STARD13: variants seen among roughly 807,000 people sequenced by gnomAD.
STARD13 encodes StAR related lipid transfer domain containing 13.
In STARD13, 62 loss-of-function variants were observed where a neutral mutation model predicts 106.4. That is an observed-to-expected ratio of 0.58 (90% CI 0.48 to 0.72). STARD13 has a LOEUF of 0.72. STARD13 is among the 30% of genes least tolerant of loss of function. The pLI is 0.00. For synonymous variants in STARD13, 565 were observed against 553.0 expected, an observed-to-expected ratio of 1.02 and a Z score of -0.31; for missense variants, 1,387 against 1,424.0, an observed-to-expected ratio of 0.97 and a Z score of 0.42.
At chr13:33,429,767 CA>C in the STARD13 span, among the ~76,000 whole-genome samples, 1 of 151,876 alleles carries the variant, frequency 6.6e-6, no homozygotes. Context: ...CGGAGGCTGG[CA>C]AGGGTAGCAG....
chr13:33,251,879 C>A (rs545003175), intron 1 of STARD13, among the ~76,000 whole-genome samples: 1 of 152,310 alleles, frequency 6.6e-6, no homozygotes, highest in Non-Finnish European at 1.5e-5. Flanking sequence ...AACACCTAAT[C>A]CTGAACACAA....
the STARD13 span, among the ~76,000 whole-genome samples, chr13:33,489,923 T>C: frequency 6.6e-6 from 1 of 152,118 alleles, no homozygotes; most frequent in East Asian, 1.9e-4. Flanking sequence ...ATTTTCAAAA[T>C]TGGAACATTG....
chr13:33,441,068 C>T, the STARD13 span, among the ~76,000 whole-genome samples: 1 of 152,008 alleles, frequency 6.6e-6, no homozygotes, highest in Non-Finnish European at 1.5e-5. Context: ...TCTATGTTCC[C>T]TCTGTCTTGG....
At chr13:33,667,952 A>G in the STARD13 span, among the ~76,000 whole-genome samples, 6 of 152,206 alleles carry the variant, frequency 3.9e-5, no homozygotes, top group Non-Finnish European at 8.8e-5. Flanking sequence ...TGGCCAATCA[A>G]ATGTAGCCAA....
chr13:33,133,857 CA>C (rs1290979782), intron 4 of STARD13, among the ~76,000 whole-genome samples: 1 of 152,036 alleles, frequency 6.6e-6, no homozygotes, highest in African/African-American at 2.4e-5. Context: ...ACTTGGGACC[CA>C]GCAGAGCATC....
intron 1 of STARD13, among the ~76,000 whole-genome samples, chr13:33,267,011 T>C (rs1224947508): frequency 1.3e-5 from 2 of 152,228 alleles, no homozygotes; most frequent in Non-Finnish European, 2.9e-5. Flanking sequence ...ATATTTGTGA[T>C]AAGTTACTGC....
chr13:33,240,757 T>TATCCTTAAGTATTTTATCCTTAAGG (rs1346848744), intron 1 of STARD13, among the ~76,000 whole-genome samples: 2 of 151,232 alleles, frequency 1.3e-5, no homozygotes, highest in Non-Finnish European at 2.9e-5. Context: ...TCCTTAAGTT[T>TATCCTTAAGTATTTTATCCTTAAGG]ATCCTTAAGT....
chr13:33,219,809 C>T (rs983498842), intron 1 of STARD13, among the ~76,000 whole-genome samples: 1 of 15,338 alleles, frequency 6.5e-5, no homozygotes, highest in Non-Finnish European at 1.6e-4. Flanking sequence ...TCTCTAAAAA[C>T]AAACAAAAAA....
At chr13:33,639,630 G>A in the STARD13 span, among the ~76,000 whole-genome samples, 3 of 152,214 alleles carry the variant, frequency 2.0e-5, no homozygotes, top group Admixed American at 2.0e-4. Context: ...TGGTTTCTCT[G>A]TATGTAGTGA....
intron 7 of STARD13, among the ~76,000 whole-genome samples, chr13:33,119,464 C>T (rs753577777): frequency 1.3e-5 from 2 of 152,130 alleles, no homozygotes; most frequent in African/African-American, 2.4e-5. Context: ...ACTCTGTGTG[C>T]CAGGCCGGCC....
chr13:33,379,003 G>A, the STARD13 span, among the ~76,000 whole-genome samples: 1 of 152,004 alleles, frequency 6.6e-6, no homozygotes, highest in South Asian at 2.1e-4. Context: ...CCAGCTACCA[G>A]GGAGGCTGAG....
chr13:33,590,995 G>T, the STARD13 span, among the ~76,000 whole-genome samples: 1 of 152,230 alleles, frequency 6.6e-6, no homozygotes, highest in South Asian at 2.1e-4. Flanking sequence ...ATGGAAAAGA[G>T]TACCTTAAAA....
the STARD13 span, among the ~76,000 whole-genome samples, chr13:33,496,194 C>A: frequency 2.1e-5 from 3 of 143,026 alleles, no homozygotes; most frequent in African/African-American, 7.6e-5. Flanking sequence ...TTATAATATA[C>A]TTATATAATT....
chr13:33,622,104 T>G, the STARD13 span, among the ~76,000 whole-genome samples: 1 of 151,972 alleles, frequency 6.6e-6, no homozygotes, highest in Non-Finnish European at 1.5e-5. Context: ...TGTGGAGGCC[T>G]GCACTTGCAA....
the STARD13 span, among the ~76,000 whole-genome samples, chr13:33,514,715 T>C: frequency 6.6e-6 from 1 of 152,042 alleles, no homozygotes; most frequent in African/African-American, 2.4e-5. Context: ...ATCAGGATCT[T>C]TGGAGGGCTT....
At chr13:33,447,409 T>C in the STARD13 span, among the ~76,000 whole-genome samples, 1 of 152,306 alleles carries the variant, frequency 6.6e-6, no homozygotes, top group Non-Finnish European at 1.5e-5. Flanking sequence ...TTTCCAACCA[T>C]GAAACTGAAG....
the STARD13 span, among the ~76,000 whole-genome samples, chr13:33,462,166 G>A: frequency 3.3e-5 from 5 of 152,078 alleles, no homozygotes; most frequent in African/African-American, 7.2e-5. Flanking sequence ...TTGCACTTAC[G>A]TTACTCTGTC....
the STARD13 span, among the ~76,000 whole-genome samples, chr13:33,599,554 A>G: frequency 6.6e-6 from 1 of 152,154 alleles, no homozygotes; most frequent in Non-Finnish European, 1.5e-5. Context: ...AAGCTTTTGG[A>G]AGGCACCTTG....
chr13:33,668,646 C>G, the STARD13 span, among the ~76,000 whole-genome samples: 1 of 152,304 alleles, frequency 6.6e-6, no homozygotes, highest in Admixed American at 6.5e-5. Context: ...TTTCCTGGAA[C>G]CCTGAGTGAG....
Sources: gnomAD v4.1 joint callset for allele counts (sites outside exome capture counted in the v4.1 genomes callset) on GRCh38, gnomAD v4.1.1 for gene constraint, MANE v1.5 for transcripts, NCBI Gene and HGNC (gene_info 2026-07-23, HGNC 2026-07-21) for gene names.